CACNA2D1: variants seen among roughly 807,000 people sequenced by gnomAD.
CACNA2D1 encodes the protein voltage-dependent calcium channel subunit alpha-2/delta-1.
In CACNA2D1, 53 loss-of-function variants were observed where a neutral mutation model predicts 171.5. The ratio of observed to expected loss-of-function variants is 0.31; its 90% CI spans 0.25 to 0.39. The LOEUF (loss-of-function observed/expected upper bound fraction) is 0.39. CACNA2D1 is among the 10% of genes least tolerant of loss of function. The pLI is 1.00. For missense variants in CACNA2D1, 903 were observed against 1,299.8 expected (o/e 0.69, Z 4.69); for synonymous variants, 442 against 443.1 (o/e 1.00, Z 0.03).
At position 82,140,271 on chromosome 7, in the gene CACNA2D1, G is replaced by C. The variant is rs981932907; in HGVS notation, c.355-3595C>G. On this transcript the variant is annotated intron_variant, in intron 4 of 38. Transcript: ENST00000356860. ...TAAGAAGAGAACGTAGACCTTAGTG[G>C]AATTTGCAACCAATTATGTCCCATA... 7.8e-4 allele frequency among the ~76,000 whole-genome samples: 118 copies of C among 152,230 alleles called. 1 individual carries two copies. Among genetic ancestry groups the C allele is most frequent in the African/African-American group, 2.7e-3 (114 of 41,528 alleles).
chr7:82,135,941 G>A (rs1791550949), intron 5 of CACNA2D1, among the ~76,000 whole-genome samples: 1 of 151,936 alleles, frequency 6.6e-6, no homozygotes, highest in Non-Finnish European at 1.5e-5. Flanking sequence ...TTTGATCTAA[G>A]AGTCAAATAC....
intron 4 of CACNA2D1, among the ~76,000 whole-genome samples, chr7:82,157,056 T>C (rs892894435): frequency 8.5e-5 from 13 of 152,184 alleles, no homozygotes; most frequent in African/African-American, 3.1e-4. Context: ...CAGCCATAGC[T>C]ATGAATTATG....
intron 24 of CACNA2D1, among the ~76,000 whole-genome samples, chr7:81,978,471 A>C (rs1352884326): frequency 6.6e-6 from 1 of 152,008 alleles, no homozygotes; most frequent in East Asian, 1.9e-4. Context: ...CAGCAAACTA[A>C]CACAGGAACA....
At chr7:82,149,718 G>T (rs1336858614) in intron 4 of CACNA2D1, among the ~76,000 whole-genome samples, 2 of 151,480 alleles carry the variant, frequency 1.3e-5, no homozygotes, top group Non-Finnish European at 2.9e-5. Flanking sequence ...CACAAGGTCA[G>T]GAGATCGAGA....
intron 1 of CACNA2D1, among the ~76,000 whole-genome samples, chr7:82,395,109 T>C (rs1825627059): frequency 6.6e-6 from 1 of 152,164 alleles, no homozygotes; most frequent in South Asian, 2.1e-4. Context: ...AATATAGTCA[T>C]TCCACTTTGC....
At chr7:82,384,614 GA>G (rs1824117419) in intron 1 of CACNA2D1, among the ~76,000 whole-genome samples, 1 of 151,606 alleles carries the variant, frequency 6.6e-6, no homozygotes, top group Non-Finnish European at 1.5e-5. Flanking sequence ...AGAAGAAGAA[GA>G]GGGAGGAAAA....
intron 3 of CACNA2D1, among the ~76,000 whole-genome samples, chr7:82,291,380 C>G (rs1456252643): frequency 7.7e-6 from 1 of 129,240 alleles, no homozygotes; most frequent in Non-Finnish European, 1.6e-5. Flanking sequence ...CTTTATACAT[C>G]TATATCTATC....
intron 3 of CACNA2D1, among the ~76,000 whole-genome samples, chr7:82,293,275 G>GC (rs1456098800): frequency 6.6e-6 from 1 of 151,262 alleles, no homozygotes; most frequent in Non-Finnish European, 1.5e-5. Context: ...GGTTGCCTCT[G>GC]TTTTTTGCTT....
chr7:82,072,182 G>T (rs146007335), intron 7 of CACNA2D1, among the ~76,000 whole-genome samples: 1 of 152,150 alleles, frequency 6.6e-6, no homozygotes, highest in Non-Finnish European at 1.5e-5. Flanking sequence ...TGCAAAGGAG[G>T]CAAAACCTTC....
chr7:82,075,351 G>A lies in CACNA2D1; in HGVS notation c.659-8827C>T, dbSNP rs183321717. ...GAGTAGCAGTCAACAGGGAAAAGTC[G>A]GGTAGTTAAATGAAATACTCAATAA... is the stretch of plus-strand genomic sequence containing the variant. On this transcript the variant is annotated intron_variant, in intron 7 of 38. Transcript: ENST00000356860. Among the ~76,000 whole-genome samples, 211 of 152,188 alleles carry A rather than the reference G, an allele frequency of 1.4e-3. 3 individuals carry two copies. The East Asian group carries it at 0.039, about 28-fold the overall frequency.
At chr7:82,013,743 ATTC>A (rs1243430603) in intron 13 of CACNA2D1, among the ~76,000 whole-genome samples, 2 of 151,892 alleles carry the variant, frequency 1.3e-5, no homozygotes, top group African/African-American at 4.8e-5. Flanking sequence ...TAAAATAGGT[ATTC>A]TTCTATGAAG....
intron 4 of CACNA2D1, among the ~76,000 whole-genome samples, chr7:82,138,859 C>T (rs1792024803): frequency 1.3e-5 from 2 of 152,090 alleles, no homozygotes; most frequent in South Asian, 2.1e-4. Context: ...CCTGCTTGTA[C>T]CTCTGCAGTT....
chr7:81,990,965 T>C (rs1178735811), intron 21 of CACNA2D1, among the ~76,000 whole-genome samples: 2 of 152,154 alleles, frequency 1.3e-5, no homozygotes, highest in Admixed American at 6.5e-5. Context: ...CATGTAAAAA[T>C]ACAAAATATA....
intron 3 of CACNA2D1, among the ~76,000 whole-genome samples, chr7:82,220,781 C>CTTTTTTTTTTTTTTT (rs71093369): frequency 7.4e-6 from 1 of 134,442 alleles, no homozygotes; most frequent in African/African-American, 2.7e-5. Flanking sequence ...TTTCTTTTTT[C>CTTTTTTTTTTTTTTT]TTTTTTTTTT....
At chr7:82,163,498 A>G (rs1795144725) in intron 4 of CACNA2D1, among the ~76,000 whole-genome samples, 1 of 152,048 alleles carries the variant, frequency 6.6e-6, no homozygotes. Flanking sequence ...GACATTGAGA[A>G]GATGAGGGTA....
intron 3 of CACNA2D1, among the ~76,000 whole-genome samples, chr7:82,241,831 G>A (rs1804335566): frequency 6.6e-6 from 1 of 152,028 alleles, no homozygotes; most frequent in African/African-American, 2.4e-5. Context: ...GGTAAGAGCA[G>A]GAATATATGC....
intron 2 of CACNA2D1, among the ~76,000 whole-genome samples, chr7:82,346,157 G>A (rs1236730179): frequency 2.0e-5 from 3 of 152,178 alleles, no homozygotes; most frequent in Non-Finnish European, 4.4e-5. Flanking sequence ...TTGCACCCAG[G>A]CATGGAAGCC....
chr7:82,053,837 A>T (rs890506467), intron 10 of CACNA2D1, among the ~76,000 whole-genome samples: 1 of 152,178 alleles, frequency 6.6e-6, no homozygotes. Context: ...ATGTATTCCC[A>T]GTTTTTCCTA....
chr7:82,406,635 A>G (rs977685047), intron 1 of CACNA2D1, among the ~76,000 whole-genome samples: 1 of 152,096 alleles, frequency 6.6e-6, no homozygotes, highest in Non-Finnish European at 1.5e-5. Flanking sequence ...GCATTTCTTT[A>G]ATGGCCAGTG....
Sources: gnomAD v4.1 joint callset for allele counts (sites outside exome capture counted in the v4.1 genomes callset) on GRCh38, gnomAD v4.1.1 for gene constraint, MANE v1.5 for transcripts, NCBI Gene and HGNC (gene_info 2026-07-23, HGNC 2026-07-21) for gene names.